GDA: variants seen among roughly 807,000 people sequenced by gnomAD.
GDA encodes cytoplasmic PSD-95 interactor.
GDA carries 18 observed loss-of-function variants against 59.6 expected under a neutral mutation model. The observed-to-expected ratio is 0.30, with a 90% CI of 0.21 to 0.45. GDA has a LOEUF of 0.45. Ranked by LOEUF, GDA falls within the 20% of genes least tolerant of loss-of-function variation. GDA has a pLI of 1.00. For missense variants in GDA, 427 were observed against 552.3 expected, an observed-to-expected ratio of 0.77 and a Z score of 2.27; for synonymous variants, 201 against 201.1, an observed-to-expected ratio of 1.00 and a Z score of 0.00.
Position 72,248,420 on chromosome 9 carries a change from G to C in GDA, c.*78G>C. The C allele has an allele frequency of 6.3e-7, 1 of 1,599,946 alleles. No individual in the cohort carries two copies. The highest frequency in any genetic ancestry group is 8.5e-7 in the Non-Finnish European group (1 of 1,174,570). On this transcript the variant is annotated 3_prime_UTR_variant, in exon 14 of 14. Coordinates refer to ENST00000358399, the MANE Select transcript of GDA (RefSeq NM_004293.5). ...CCTTGTGCCCAGGTGGAGTTAGAAA[G>C]TCAAAAAATAGTACCTTGTTCTTGG...
intron 1 of GDA, among the ~76,000 whole-genome samples, chr9:72,125,299 C>A: frequency 6.6e-6 from 1 of 151,066 alleles, no homozygotes; most frequent in Non-Finnish European, 1.5e-5. Context: ...TCCTTCCTTT[C>A]TTCCTTCCTT....
chr9:72,236,727 A>G lies in GDA; in HGVS notation c.989-4425A>G, dbSNP rs1428852458. On this transcript the variant is annotated intron_variant, in intron 10 of 13. Transcript: ENST00000358399. ...CCTGCTGGATCATTCCTGCTGGTAC[A>G]CAAACATCTCTAGTATCTTCTTTTA... 2.0e-5 allele frequency among the ~76,000 whole-genome samples: 3 copies of G among 151,608 alleles called. No homozygotes were observed. The Middle Eastern group carries it at 0.01, about 519-fold the overall frequency.
intron 1 of GDA, among the ~76,000 whole-genome samples, chr9:72,165,611 A>G (rs966269324): frequency 3.9e-5 from 6 of 151,950 alleles, no homozygotes; most frequent in African/African-American, 1.5e-4. Flanking sequence ...TTAAAATGCA[A>G]TTTGGGTTGG....
chr9:72,248,077 C>T (rs1355719838), intron 13 of GDA, among the ~76,000 whole-genome samples, 195 bp from the exon 14 acceptor site: 1 of 152,106 alleles, frequency 6.6e-6, no homozygotes, highest in Non-Finnish European at 1.5e-5. Context: ...AGACCCTAAT[C>T]ATCAAATTAG....
chr9:72,136,684 A>G (rs1826235847), intron 1 of GDA, among the ~76,000 whole-genome samples: 1 of 152,214 alleles, frequency 6.6e-6, no homozygotes, highest in South Asian at 2.1e-4. Context: ...TCATTAAAAT[A>G]TACATATGAG....
intron 1 of GDA, among the ~76,000 whole-genome samples, chr9:72,116,557 A>G (rs1250579521): frequency 6.6e-6 from 1 of 151,656 alleles, no homozygotes; most frequent in Non-Finnish European, 1.5e-5. Context: ...TAATTTTTGT[A>G]TTTTTAGTAG....
intron 11 of GDA, 76 bp from the exon 12 acceptor site, chr9:72,245,072 C>G (rs1840006018): frequency 7.0e-7 from 1 of 1,424,154 alleles, no homozygotes; most frequent in Non-Finnish European, 9.6e-7. Context: ...TTGGCAAAAT[C>G]TGTCCTTACA....
At chr9:72,127,404 G>A (rs189170837) in intron 1 of GDA, among the ~76,000 whole-genome samples, 12 of 152,040 alleles carry the variant, frequency 7.9e-5, no homozygotes, top group East Asian at 7.7e-4. Context: ...TTTGGAAGGC[G>A]GAGGTGGGCG....
At chr9:72,149,032 GA>G (rs1826824057), upstream of GDA, among the ~76,000 whole-genome samples, 1 of 152,104 alleles carries the variant, frequency 6.6e-6, no homozygotes, top group Admixed American at 6.5e-5. Context: ...TCCAGGTGAG[GA>G]CCAATACTAA....
intron 1 of GDA, among the ~76,000 whole-genome samples, chr9:72,163,340 G>A (rs1442655091): frequency 6.6e-6 from 1 of 152,086 alleles, no homozygotes; most frequent in Non-Finnish European, 1.5e-5. Context: ...CACACAGACC[G>A]ACTGGCCTTC....
In GDA at chr9:72,231,137, T is replaced by G; in HGVS notation, c.944T>G (p.Val315Gly). Reference sequence around the variant, plus strand: ...AGGCTCAGCAGTGGATTTCTAAATGTGCTAGAAGTCCTGAAACATGAAGTC... The same window carrying G: ...AGGCTCAGCAGTGGATTTCTAAATGGGCTAGAAGTCCTGAAACATGAAGTC... ...NLSLSSGFLN[V>G]LEVLKHEVKI... is the part of the protein sequence containing the mutation. Residue 315 changes from valine (V) to glycine (G), a missense_variant, in exon 10 of 14, where the codon GTG (valine) becomes GGG (glycine). Physicochemically the swap from Val to Gly is moderately radical, Grantham distance 109. Coordinates refer to ENST00000358399, the MANE Select transcript of GDA (RefSeq NM_004293.5). The G allele has an allele frequency of 6.3e-7, 1 of 1,594,826 alleles. No homozygotes were observed. The highest frequency in any genetic ancestry group is 1.1e-5 in the South Asian group (1 of 90,630).
intron 1 of GDA, among the ~76,000 whole-genome samples, chr9:72,178,917 A>G (rs1176564639): frequency 6.6e-6 from 1 of 152,126 alleles, no homozygotes; most frequent in Non-Finnish European, 1.5e-5. Context: ...ATTTGTACAT[A>G]TATATGGGGT....
intron 1 of GDA, among the ~76,000 whole-genome samples, chr9:72,120,376 C>T (rs766488064): frequency 1.3e-5 from 2 of 151,950 alleles, no homozygotes; most frequent in Non-Finnish European, 2.9e-5. Flanking sequence ...ATATTTTTAG[C>T]AGAGACAAGC....
intron 1 of GDA, among the ~76,000 whole-genome samples, chr9:72,183,481 C>G (rs1048712106): frequency 2.0e-5 from 3 of 151,758 alleles, no homozygotes; most frequent in Admixed American, 2.0e-4. Context: ...AGGAAAGGCA[C>G]AAAGAAATAG....
chr9:72,231,028 A>G lies in GDA; in HGVS notation c.921-86A>G, dbSNP rs112925720. ...CGATATATTGGGAAGCACAATTTTC[A>G]GTGGCATCACCGTCATTGTTATTAG... is the stretch of plus-strand genomic sequence containing the variant. On this transcript the variant is annotated intron_variant, in intron 9 of 13. Transcript: ENST00000358399. 2.8e-3 allele frequency: 2,297 copies of G among 812,428 alleles called. 37 individuals carry two copies. The African/African-American group carries it at 0.034, about 12-fold the overall frequency. The allele number at this position is 812,428 out of a possible 1,614,324, so 50.3% of individuals were successfully genotyped here.
At chr9:72,143,893 G>A (rs144551392) in intron 1 of GDA, among the ~76,000 whole-genome samples, 191 of 152,244 alleles carry the variant, frequency 1.3e-3, no homozygotes, top group African/African-American at 4.4e-3. Context: ...AACATATGCC[G>A]ATTTTTCAAG....
At chr9:72,244,176 CAA>C (rs1039375512) in intron 11 of GDA, among the ~76,000 whole-genome samples, 22 of 117,360 alleles carry the variant, frequency 1.9e-4, no homozygotes, top group African/African-American at 9.5e-5. Flanking sequence ...GACTCCGTCT[CAA>C]AAAAAAAAAA....
chr9:72,248,799 A>G lies in GDA; in HGVS notation c.*457A>G, dbSNP rs1002211312. 2.7e-5 allele frequency: 27 copies of G among 990,184 alleles called. No individual in the cohort carries two copies. Among genetic ancestry groups the G allele is most frequent in the Non-Finnish European group, 3.1e-5 (26 of 832,114 alleles). 61.3% of individuals were successfully genotyped at this position (990,184 alleles called of 1,614,324 possible). ...AAAAGTTAGACTGAGAACAAACGTT[A>G]GAAAATCACTTCAGATTGTGTTTGA... On this transcript the variant is annotated 3_prime_UTR_variant, in exon 14 of 14. Coordinates refer to ENST00000358399, the MANE Select transcript of GDA (RefSeq NM_004293.5).
intron 1 of GDA, among the ~76,000 whole-genome samples, chr9:72,189,504 C>A (rs963694102): frequency 2.0e-5 from 3 of 152,056 alleles, no homozygotes; most frequent in African/African-American, 7.2e-5. Context: ...TGAATTGATG[C>A]TGGAACAACC....
Sources: gnomAD v4.1 joint callset for allele counts (sites outside exome capture counted in the v4.1 genomes callset) on GRCh38, gnomAD v4.1.1 for gene constraint, MANE v1.5 for transcripts, NCBI Gene and HGNC (gene_info 2026-07-23, HGNC 2026-07-21) for gene names.